Variants in FBXL7 observed in about 807,000 individuals in gnomAD.
The protein encoded by FBXL7 is F-box/LRR-repeat protein 7.
In FBXL7, 12 loss-of-function variants were observed where a neutral mutation model predicts 38.3. The ratio of observed to expected loss-of-function variants is 0.31; its 90% CI spans 0.20 to 0.51. The LOEUF (loss-of-function observed/expected upper bound fraction) is 0.51, where lower values mean the gene tolerates loss of function less well. FBXL7 is among the 20% of genes least tolerant of loss of function. FBXL7 has a pLI of 0.98. For synonymous variants in FBXL7, 297 were observed against 300.9 expected, an observed-to-expected ratio of 0.99 and a Z score of 0.13; for missense variants, 567 against 676.4, an observed-to-expected ratio of 0.84 and a Z score of 1.79.
At chr5:15,704,624 A>G (rs150001699) in intron 2 of FBXL7, among the ~76,000 whole-genome samples, 103 of 152,306 alleles carry the variant, frequency 6.8e-4, no homozygotes, top group African/African-American at 2.4e-3. Flanking sequence ...GATATACTGC[A>G]TTTCTTCTGT....
intron 2 of FBXL7, among the ~76,000 whole-genome samples, chr5:15,632,556 C>T (rs907366151): frequency 8.6e-5 from 13 of 151,948 alleles, no homozygotes; most frequent in African/African-American, 2.9e-4. Flanking sequence ...ATTGTTCTAC[C>T]GAAAAGACAC....
intron 2 of FBXL7, among the ~76,000 whole-genome samples, chr5:15,828,405 G>T (rs1355737804): frequency 1.3e-5 from 2 of 152,176 alleles, no homozygotes; most frequent in African/African-American, 2.4e-5. Context: ...TTTATTACAT[G>T]AAATTCCGGT....
At chr5:15,816,047 T>C (rs969420238) in intron 2 of FBXL7, among the ~76,000 whole-genome samples, 10 of 152,176 alleles carry the variant, frequency 6.6e-5, no homozygotes, top group Admixed American at 4.6e-4. Flanking sequence ...ATTATTATAA[T>C]ACAAGTTATT....
intron 1 of FBXL7, among the ~76,000 whole-genome samples, chr5:15,533,773 A>T (rs1311443934): frequency 6.6e-6 from 1 of 152,154 alleles, no homozygotes; most frequent in East Asian, 1.9e-4. Flanking sequence ...CTTGATGTGG[A>T]TAATCTTGGA....
chr5:15,726,426 C>G (rs1744356162), intron 2 of FBXL7, among the ~76,000 whole-genome samples: 1 of 151,762 alleles, frequency 6.6e-6, no homozygotes, highest in Non-Finnish European at 1.5e-5. Context: ...GAGACATCGC[C>G]CCTTAAAAAA....
chr5:15,819,198 C>T (rs1012797834), intron 2 of FBXL7, among the ~76,000 whole-genome samples: 23 of 152,142 alleles, frequency 1.5e-4, no homozygotes, highest in African/African-American at 5.6e-4. Flanking sequence ...TAGCCAGAGA[C>T]TATAGGTACA....
chr5:15,594,075 T>C (rs1448286025), intron 1 of FBXL7, among the ~76,000 whole-genome samples: 1 of 152,228 alleles, frequency 6.6e-6, no homozygotes, highest in Admixed American at 6.5e-5. Flanking sequence ...GTGCTCACAA[T>C]ATGTTCTATA....
At chr5:15,930,147 A>G (rs1437088832) in intron 3 of FBXL7, among the ~76,000 whole-genome samples, 3 of 152,204 alleles carry the variant, frequency 2.0e-5, no homozygotes, top group Non-Finnish European at 4.4e-5. Flanking sequence ...ATGTTCAGTT[A>G]GTCATGAGTA....
intron 2 of FBXL7, among the ~76,000 whole-genome samples, chr5:15,733,127 A>ACT (rs35330423): frequency 0.64 from 97,345 of 151,506 alleles, 31,776 homozygotes; most frequent in East Asian, 0.72. Flanking sequence ...ACAGAGTCTC[A>ACT]CTGTCGCCCA....
chr5:15,715,115 A>G (rs1217910716), intron 2 of FBXL7, among the ~76,000 whole-genome samples: 2 of 152,166 alleles, frequency 1.3e-5, no homozygotes, highest in African/African-American at 2.4e-5. Context: ...GTTTTAAGTT[A>G]TGTAATTTGT....
Position 15,937,364 on chromosome 5 carries a change from G to A in FBXL7, c.*178G>A. ...CATGGGCAACAGAGGCCAAAGAAAC[G>A]AAGCAAGACAAACAGCAAACAGGCA... On this transcript the variant is annotated 3_prime_UTR_variant, in exon 4 of 4. Coordinates refer to ENST00000504595, the MANE Select transcript of FBXL7 (RefSeq NM_012304.5). The A allele has an allele frequency of 7.8e-6, 6 of 770,176 alleles. No homozygotes were observed. Among genetic ancestry groups the A allele is most frequent in the Non-Finnish European group, 1.0e-5 (5 of 499,622 alleles). 47.7% of individuals were successfully genotyped at this position (770,176 alleles called of 1,614,324 possible).
At chr5:15,818,146 T>C (rs1466381347) in intron 2 of FBXL7, among the ~76,000 whole-genome samples, 1 of 152,038 alleles carries the variant, frequency 6.6e-6, no homozygotes, top group African/African-American at 2.4e-5. Context: ...GTATGTGTGG[T>C]GTGTGCGTGT....
chr5:15,597,519 A>AT (rs1739658545), intron 1 of FBXL7, among the ~76,000 whole-genome samples: 1 of 146,930 alleles, frequency 6.8e-6, no homozygotes, highest in African/African-American at 2.5e-5. Context: ...AAAAAAAAAA[A>AT]TCTGAAATGC....
chr5:15,612,252 G>A (rs1028124808), intron 1 of FBXL7, among the ~76,000 whole-genome samples: 1 of 152,098 alleles, frequency 6.6e-6, no homozygotes, highest in Non-Finnish European at 1.5e-5. Flanking sequence ...AGTTTCCTTG[G>A]AGGGTAAAAT....
intron 2 of FBXL7, among the ~76,000 whole-genome samples, chr5:15,924,410 A>T (rs1451846450): frequency 6.6e-6 from 1 of 152,180 alleles, no homozygotes; most frequent in East Asian, 1.9e-4. Context: ...CCTTGTCTCA[A>T]AGGAGTTTTT....
chr5:15,519,168 A>G (rs1437312340), intron 1 of FBXL7, among the ~76,000 whole-genome samples: 2 of 152,014 alleles, frequency 1.3e-5, no homozygotes, highest in Non-Finnish European at 2.9e-5. Context: ...ACATGGTGAA[A>G]CCCTGTCTCT....
In FBXL7 at chr5:15,617,469, T is replaced by C. The variant is rs576257883; in HGVS notation, c.127+1397T>C. Among the ~76,000 whole-genome samples the C allele has an allele frequency of 7.4e-5, 10 of 135,890 alleles. No individual in the cohort carries two copies. In the East Asian group the frequency reaches 2.2e-3, roughly 30 times the overall value. The allele number at this position is 135,890 out of a possible 152,430, so 89.1% of individuals were successfully genotyped here. A position where few individuals can be genotyped will look rare whatever the true frequency, so the allele number is the denominator to read the frequency against. ...TTTATTTATTTATTTATTTATTTATTTATTTGAGATGGAGTCTCACTCTTT... is the reference window on the plus strand; with the variant it reads ...TTTATTTATTTATTTATTTATTTATCTATTTGAGATGGAGTCTCACTCTTT... On this transcript the variant is annotated intron_variant, in intron 2 of 3. Transcript: ENST00000504595.
intron 1 of FBXL7, among the ~76,000 whole-genome samples, chr5:15,603,378 A>AT (rs1229449955): frequency 2.6e-5 from 4 of 152,022 alleles, no homozygotes; most frequent in African/African-American, 4.8e-5. Context: ...TATTTACTTC[A>AT]TTTTTTTTCT....
At chr5:15,779,369 T>C (rs1182743861) in intron 2 of FBXL7, among the ~76,000 whole-genome samples, 2 of 152,030 alleles carry the variant, frequency 1.3e-5, no homozygotes, top group East Asian at 3.8e-4. Context: ...ATAAAGAAAA[T>C]GTTTGAAGTA....
Sources: gnomAD v4.1 joint callset for allele counts (sites outside exome capture counted in the v4.1 genomes callset) on GRCh38, gnomAD v4.1.1 for gene constraint, MANE v1.5 for transcripts, NCBI Gene and HGNC (gene_info 2026-07-23, HGNC 2026-07-21) for gene names.